The following ELOVL6 variants were observed in gnomAD, a reference collection of about 807,000 sequenced individuals.
ELOVL6 encodes the protein very long chain fatty acid elongase 6.
In ELOVL6, 8 loss-of-function variants were observed where a neutral mutation model predicts 31.7. The ratio of observed to expected loss-of-function variants is 0.25; its 90% CI spans 0.15 to 0.45. ELOVL6 has a LOEUF of 0.45. Ranked by LOEUF, ELOVL6 falls within the 20% of genes least tolerant of loss-of-function variation. ELOVL6 has a pLI of 1.00. For missense variants in ELOVL6, 126 were observed against 326.4 expected (o/e 0.39, Z 4.73); for synonymous variants, 101 against 117.7 (o/e 0.86, Z 0.92).
intron 1 of ELOVL6, among the ~76,000 whole-genome samples, chr4:110,130,495 A>G (rs1757637299): frequency 6.6e-6 from 1 of 152,204 alleles, no homozygotes; most frequent in Non-Finnish European, 1.5e-5. Flanking sequence ...TTCTCATTTA[A>G]TTAAGCTTGA....
chr4:110,063,895 C>T (rs550271103), intron 2 of ELOVL6, among the ~76,000 whole-genome samples: 7 of 151,734 alleles, frequency 4.6e-5, no homozygotes, highest in East Asian at 1.9e-4. Context: ...CTGGCCAACA[C>T]GGTGAAACCC....
At chr4:110,081,680 T>A (rs896631261) in intron 2 of ELOVL6, among the ~76,000 whole-genome samples, 1 of 151,068 alleles carries the variant, frequency 6.6e-6, no homozygotes, top group African/African-American at 2.4e-5. Context: ...GACATAGGCA[T>A]GGGCAAGGAC....
intron 1 of ELOVL6, among the ~76,000 whole-genome samples, chr4:110,182,765 A>G (rs1759326204): frequency 6.6e-6 from 1 of 152,070 alleles, no homozygotes; most frequent in African/African-American, 2.4e-5. Context: ...AAAATTAGCC[A>G]GGCGTGGTGG....
rs1290623237 is a variant in ELOVL6 at position 110,048,116 on chromosome 4, G to C, written c.*3222C>G. On this transcript the variant is annotated 3_prime_UTR_variant, in exon 4 of 4. Transcript: ENST00000302274. The stretch of plus-strand genomic sequence containing the variant: ...TTCTTTTCCCTCTAGCAATGTACAT[G>C]TAAAGTATTCCCTCTTCTCCCCTTA... The C allele has an allele frequency of 6.6e-6, 1 of 152,154 alleles. No homozygotes were observed. Among genetic ancestry groups the C allele is most frequent in the Admixed American group, 6.5e-5 (1 of 15,276 alleles). 9.4% of individuals were successfully genotyped at this position (152,154 alleles called of 1,614,324 possible).
intron 1 of ELOVL6, among the ~76,000 whole-genome samples, chr4:110,127,350 T>G (rs1353967643): frequency 1.5e-5 from 2 of 134,182 alleles, no homozygotes; most frequent in Non-Finnish European, 3.0e-5. Flanking sequence ...GAGGTTGCAG[T>G]GAGCCGAGAT....
intron 1 of ELOVL6, among the ~76,000 whole-genome samples, chr4:110,109,343 G>C (rs1226308704): frequency 6.6e-6 from 1 of 152,156 alleles, no homozygotes; most frequent in Non-Finnish European, 1.5e-5. Context: ...TGGTGATTCA[G>C]GAGTTATGAT....
chr4:110,196,595 T>C (rs997780610), intron 1 of ELOVL6, among the ~76,000 whole-genome samples: 2 of 152,202 alleles, frequency 1.3e-5, no homozygotes, highest in Non-Finnish European at 2.9e-5. Context: ...CTGCACCCCC[T>C]GGCCTCAGCG....
chr4:110,076,895 T>C (rs1402599669), intron 2 of ELOVL6, among the ~76,000 whole-genome samples: 1 of 152,174 alleles, frequency 6.6e-6, no homozygotes, highest in African/African-American at 2.4e-5. Context: ...CCTAATACTG[T>C]GCTTTTCCAA....
At chr4:110,105,144 T>C (rs1172946232) in intron 2 of ELOVL6, among the ~76,000 whole-genome samples, 2 of 152,188 alleles carry the variant, frequency 1.3e-5, no homozygotes, top group Non-Finnish European at 2.9e-5. Context: ...TGTTCTCCAA[T>C]AGACTTCAAC....
chr4:110,093,179 C>T (rs1443598201), intron 2 of ELOVL6: 7 of 431,504 alleles, frequency 1.6e-5, no homozygotes, highest in Non-Finnish European at 2.7e-5. Context: ...TGTCCACACT[C>T]AAATGTATTA....
At chr4:110,173,709 C>A (rs1759020164) in intron 1 of ELOVL6, among the ~76,000 whole-genome samples, 2 of 147,136 alleles carry the variant, frequency 1.4e-5, no homozygotes, top group Non-Finnish European at 3.0e-5. Context: ...ATAATAAATT[C>A]CTCGATCAAC....
intron 1 of ELOVL6, among the ~76,000 whole-genome samples, chr4:110,158,127 T>G (rs538293022): frequency 2.0e-5 from 3 of 152,332 alleles, no homozygotes; most frequent in African/African-American, 7.2e-5. Flanking sequence ...TTGCCCTTGT[T>G]GGCAATTTGA....
At chr4:110,180,465 C>T (rs552106089) in intron 1 of ELOVL6, among the ~76,000 whole-genome samples, 1 of 152,344 alleles carries the variant, frequency 6.6e-6, no homozygotes, top group East Asian at 1.9e-4. Context: ...TTAACTGCTG[C>T]CTCAAACTCC....
intron 1 of ELOVL6, among the ~76,000 whole-genome samples, chr4:110,131,814 C>T (rs140766666): frequency 0.016 from 2,416 of 152,180 alleles, 31 homozygotes; most frequent in Admixed American, 0.026. Context: ...AATTGCTCAT[C>T]ATCTAGTGAG....
chr4:110,190,340 G>A (rs1447380640), intron 1 of ELOVL6, among the ~76,000 whole-genome samples: 1 of 152,076 alleles, frequency 6.6e-6, no homozygotes, highest in Non-Finnish European at 1.5e-5. Context: ...CCTAGTAATA[G>A]GAACCTTAAA....
upstream of ELOVL6, chr4:110,198,979 A>G (rs1013802273): frequency 6.6e-6 from 1 of 152,234 alleles, no homozygotes; most frequent in African/African-American, 2.4e-5. Context: ...ACTCCGGGCA[A>G]ATCTACGTTG....
intron 2 of ELOVL6, among the ~76,000 whole-genome samples, chr4:110,092,414 C>T (rs751440668): frequency 6.6e-5 from 10 of 152,116 alleles, no homozygotes; most frequent in Non-Finnish European, 1.3e-4. Flanking sequence ...ATTTTCATTG[C>T]TCTAACAACA....
intron 1 of ELOVL6, among the ~76,000 whole-genome samples, chr4:110,174,374 C>T (rs561902511): frequency 9.9e-5 from 15 of 152,226 alleles, no homozygotes; most frequent in African/African-American, 3.4e-4. Context: ...CCATGTTGGC[C>T]AGGCTGGTCT....
At chr4:110,058,913 A>C (rs1755066419) in intron 3 of ELOVL6, among the ~76,000 whole-genome samples, 1 of 152,182 alleles carries the variant, frequency 6.6e-6, no homozygotes, top group African/African-American at 2.4e-5. Context: ...TTCTGTGTAA[A>C]TAAAGACATC....
Sources: gnomAD v4.1 joint callset for allele counts (sites outside exome capture counted in the v4.1 genomes callset) on GRCh38, gnomAD v4.1.1 for gene constraint, MANE v1.5 for transcripts, NCBI Gene and HGNC (gene_info 2026-07-23, HGNC 2026-07-21) for gene names.